Variants in FAM184A observed in about 807,000 individuals in gnomAD.
FAM184A encodes the protein family with sequence similarity 184 member A.
In FAM184A, 99 loss-of-function variants were observed where a neutral mutation model predicts 143.8. That is an observed-to-expected ratio of 0.69 (90% CI 0.58 to 0.81). FAM184A has a LOEUF of 0.81. FAM184A is among the 40% of genes least tolerant of loss of function. The pLI is 0.00. For missense variants in FAM184A, 1,217 were observed against 1,310.5 expected, an observed-to-expected ratio of 0.93 and a Z score of 1.10; for synonymous variants, 427 against 446.4, an observed-to-expected ratio of 0.96 and a Z score of 0.55.
In FAM184A at chr6:119,032,884, T is replaced by C. The variant is rs560830437; in HGVS notation, c.160-8071A>G. Among the ~76,000 whole-genome samples the C allele has an allele frequency of 1.3e-5, 2 of 152,308 alleles. 1 individual carries two copies. Among genetic ancestry groups the C allele is most frequent in the African/African-American group, 4.8e-5 (2 of 41,570 alleles). ...TTGAGCTAATCACCAAAAGGTTACT[T>C]GAGCCATAAGACATCAGAGTTAAAG... On this transcript the variant is annotated intron_variant, in intron 1 of 17. Coordinates refer to ENST00000338891, the MANE Select transcript of FAM184A (RefSeq NM_024581.6).
chr6:118,979,911 ATGG>A (rs1401495104), intron 10 of FAM184A, among the ~76,000 whole-genome samples: 2 of 151,876 alleles, frequency 1.3e-5, no homozygotes, highest in Non-Finnish European at 2.9e-5. Flanking sequence ...TTAGCCAGGC[ATGG>A]TGGTGTGCGC....
At chr6:119,124,858 T>C (rs995464257) in intron 1 of FAM184A, among the ~76,000 whole-genome samples, 3 of 152,194 alleles carry the variant, frequency 2.0e-5, no homozygotes, top group Admixed American at 2.0e-4. Context: ...CATTTGTTTT[T>C]AGCTTTCATG....
At chr6:119,143,390 A>T (rs985335757) in intron 1 of FAM184A, among the ~76,000 whole-genome samples, 11 of 152,192 alleles carry the variant, frequency 7.2e-5, no homozygotes, top group African/African-American at 2.7e-4. Context: ...AAATCCACTA[A>T]TCTATATCTC....
At chr6:119,101,260 C>T (rs1290673609) in intron 1 of FAM184A, among the ~76,000 whole-genome samples, 1 of 151,652 alleles carries the variant, frequency 6.6e-6, no homozygotes, top group Non-Finnish European at 1.5e-5. Context: ...TTAGTAGAGA[C>T]GGGGTTTCTC....
At position 119,007,293 on chromosome 6, in the gene FAM184A, C is replaced by T. The variant is rs539313382; in HGVS notation, c.1654-685G>A. ...CCGCATTCTTATAAAATGGCCAAGC[C>T]TATGAAATTTCTACAAAAGTTGAAA... On this transcript the variant is annotated intron_variant, in intron 6 of 17. Coordinates refer to ENST00000338891, the MANE Select transcript of FAM184A (RefSeq NM_024581.6). Among the ~76,000 whole-genome samples, 3 of 152,186 alleles carry T rather than the reference C, an allele frequency of 2.0e-5. No individual in the cohort carries two copies. In the East Asian group the frequency reaches 5.8e-4, roughly 29 times the overall value.
chr6:119,094,048 C>A (rs2114824171), intron 1 of FAM184A, among the ~76,000 whole-genome samples: 1 of 137,374 alleles, frequency 7.3e-6, no homozygotes, highest in East Asian at 2.5e-4. Context: ...TCCTTCCTTC[C>A]TTCCTTCTTT....
At chr6:119,053,340 CCAGA>C (rs1488531733) in intron 1 of FAM184A, among the ~76,000 whole-genome samples, 1 of 152,158 alleles carries the variant, frequency 6.6e-6, no homozygotes, top group Non-Finnish European at 1.5e-5. Flanking sequence ...CACATACCCC[CCAGA>C]CAGTGACCTG....
chr6:119,032,606 G>C (rs866457586), intron 1 of FAM184A, among the ~76,000 whole-genome samples: 1 of 144,592 alleles, frequency 6.9e-6, no homozygotes, highest in Admixed American at 6.9e-5. Context: ...AGGAGAAGAG[G>C]GGGGAGAGGG....
At chr6:119,090,116 A>G (rs1482713992) in intron 1 of FAM184A, among the ~76,000 whole-genome samples, 1 of 152,178 alleles carries the variant, frequency 6.6e-6, no homozygotes, top group African/African-American at 2.4e-5. Context: ...GCAAGCAGGG[A>G]CTGAATAAGT....
chr6:118,975,207 C>CTCTT lies in FAM184A; in HGVS notation c.2584_2585insAAGA (p.Ser862LysfsTer3). Reference sequence around the variant, plus strand: ...TGTAATTCTACATATGTGCTCCTTACTCTGTTAAAAAAAAAAAGTCATTTT... The same window carrying CTCTT: ...TGTAATTCTACATATGTGCTCCTTACTCTTTCTGTTAAAAAAAAAAAGTCATTTT... On this transcript the variant is annotated frameshift_variant and splice_region_variant, in exon 13 of 18. Transcript: ENST00000338891. LOFTEE classifies it high-confidence loss of function. The CTCTT allele has an allele frequency of 6.6e-7, 1 of 1,521,628 alleles. No individual in the cohort carries two copies. 94.3% of individuals were successfully genotyped at this position (1,521,628 alleles called of 1,614,324 possible). A position where few individuals can be genotyped will look rare whatever the true frequency, so the allele number is the denominator to read the frequency against.
intron 1 of FAM184A, among the ~76,000 whole-genome samples, chr6:119,077,479 A>G (rs1007424609): frequency 1.6e-4 from 25 of 152,356 alleles, no homozygotes; most frequent in Admixed American, 1.0e-3. Flanking sequence ...AAAGTTCACT[A>G]ATTTAGGTAC....
At chr6:119,083,407 C>T (rs1019692114), upstream of FAM184A, among the ~76,000 whole-genome samples, 1 of 152,318 alleles carries the variant, frequency 6.6e-6, no homozygotes, top group Admixed American at 6.5e-5. Flanking sequence ...CAGGATCAGG[C>T]TGCAAATTTT....
chr6:119,135,024 T>C (rs1350515057), intron 1 of FAM184A, among the ~76,000 whole-genome samples: 2 of 152,256 alleles, frequency 1.3e-5, no homozygotes, highest in Admixed American at 6.5e-5. Flanking sequence ...TCCTTAAAAA[T>C]ACTTTCGTAC....
chr6:119,041,685 G>A (rs2797362), intron 1 of FAM184A, among the ~76,000 whole-genome samples: 5,265 of 152,008 alleles, frequency 0.035, 353 homozygotes, highest in African/African-American at 0.12. Context: ...TGTCACCTTC[G>A]CAGACCCGCC....
chr6:118,964,274 A>C (rs998657186), intron 16 of FAM184A, among the ~76,000 whole-genome samples: 2 of 152,182 alleles, frequency 1.3e-5, no homozygotes, highest in African/African-American at 4.8e-5. Context: ...CCCAAGGTCC[A>C]TTAAGATGTT....
At chr6:118,978,883 C>T (rs967431665) in intron 11 of FAM184A, among the ~76,000 whole-genome samples, 1 of 152,202 alleles carries the variant, frequency 6.6e-6, no homozygotes, top group Non-Finnish European at 1.5e-5. Context: ...AAAACTCAAC[C>T]TACCTCCTTA....
chr6:119,071,584 C>A (rs1354506934), intron 1 of FAM184A, among the ~76,000 whole-genome samples: 2 of 152,060 alleles, frequency 1.3e-5, no homozygotes, highest in African/African-American at 2.4e-5. Context: ...TTGGTTTCAC[C>A]CTTATCAAAA....
intron 9 of FAM184A, among the ~76,000 whole-genome samples, chr6:118,984,056 A>G (rs1269952070): frequency 6.7e-6 from 1 of 149,698 alleles, no homozygotes; most frequent in African/African-American, 2.4e-5. Context: ...AGGCTGAGGC[A>G]GGAGAATCAC....
At chr6:119,075,764 A>T (rs77903636) in intron 1 of FAM184A, among the ~76,000 whole-genome samples, 3 of 152,354 alleles carry the variant, frequency 2.0e-5, no homozygotes, top group Admixed American at 2.0e-4. Flanking sequence ...AGTAAAGTTC[A>T]TAACAGTCCC....
Sources: gnomAD v4.1 joint callset for allele counts (sites outside exome capture counted in the v4.1 genomes callset) on GRCh38, gnomAD v4.1.1 for gene constraint, MANE v1.5 for transcripts, NCBI Gene and HGNC (gene_info 2026-07-23, HGNC 2026-07-21) for gene names.